The following SDK1 variants were observed in gnomAD, a reference collection of about 807,000 sequenced individuals.
The protein encoded by SDK1 is sidekick cell adhesion molecule 1, also known as protein sidekick-1.
In SDK1, 157 loss-of-function variants were observed where a neutral mutation model predicts 245.5. The ratio of observed to expected loss-of-function variants is 0.64; its 90% CI spans 0.56 to 0.73. The LOEUF (loss-of-function observed/expected upper bound fraction) is 0.73. SDK1 is among the 30% of genes least tolerant of loss of function. SDK1 has a pLI of 0.00. For synonymous variants in SDK1, 1,647 were observed against 1,278.5 expected, an observed-to-expected ratio of 1.29 and a Z score of -6.15; for missense variants, 3,583 against 3,002.3, an observed-to-expected ratio of 1.19 and a Z score of -4.52.
intron 17 of SDK1, among the ~76,000 whole-genome samples, chr7:4,034,046 T>C (rs1788036518): frequency 3.9e-5 from 6 of 152,226 alleles, no homozygotes; most frequent in Admixed American, 3.9e-4. Context: ...ACCTCAGAAC[T>C]GTGTACCACT....
chr7:3,883,218 CCT>C (rs1289852888), intron 5 of SDK1, among the ~76,000 whole-genome samples: 1 of 152,156 alleles, frequency 6.6e-6, no homozygotes, highest in Non-Finnish European at 1.5e-5. Context: ...AGCCTGCTTT[CCT>C]CTGTTTTCTG....
chr7:4,204,945 G>T (rs4460273), intron 35 of SDK1, among the ~76,000 whole-genome samples: 1 of 147,594 alleles, frequency 6.8e-6, no homozygotes, highest in Non-Finnish European at 1.5e-5. Context: ...GCTCCCAACT[G>T]CCTAAATGGC....
intron 31 of SDK1, among the ~76,000 whole-genome samples, chr7:4,160,447 T>G (rs1258476642): frequency 6.6e-6 from 1 of 152,224 alleles, no homozygotes; most frequent in Admixed American, 6.5e-5. Context: ...TGGGCTTTGA[T>G]GCACCTATCT....
intron 27 of SDK1, among the ~76,000 whole-genome samples, chr7:4,130,854 G>C (rs768632671): frequency 6.6e-6 from 1 of 152,160 alleles, no homozygotes; most frequent in South Asian, 2.1e-4. Flanking sequence ...CTGGGGATCG[G>C]AGTGGCTGAA....
chr7:4,127,292 G>A, intron 25 of SDK1, 89 bp from the exon 26 acceptor site: 1 of 979,502 alleles, frequency 1.0e-6, no homozygotes, highest in Non-Finnish European at 1.6e-6. Context: ...CTATTTCAAG[G>A]ACAACTTGAT....
At chr7:3,506,701 C>G (rs1039754367) in intron 1 of SDK1, among the ~76,000 whole-genome samples, 1 of 152,144 alleles carries the variant, frequency 6.6e-6, no homozygotes, top group African/African-American at 2.4e-5. Flanking sequence ...TATTCAGATT[C>G]ACTGATCTTT....
intron 1 of SDK1, among the ~76,000 whole-genome samples, chr7:3,603,944 T>C (rs1282764427): frequency 6.6e-6 from 1 of 152,212 alleles, no homozygotes; most frequent in Non-Finnish European, 1.5e-5. Flanking sequence ...GATAATCATG[T>C]GGTTTTTGTC....
intron 1 of SDK1, among the ~76,000 whole-genome samples, chr7:3,327,091 C>T (rs1387390018): frequency 1.3e-5 from 2 of 152,078 alleles, no homozygotes; most frequent in Admixed American, 6.6e-5. Context: ...AGACTCTGAG[C>T]TGGTTAGGTA....
chr7:4,212,160 G>A (rs907658517), intron 38 of SDK1, among the ~76,000 whole-genome samples: 3 of 152,160 alleles, frequency 2.0e-5, no homozygotes, highest in Admixed American at 6.5e-5. Context: ...AAAGAATATC[G>A]GCGCTCCATT....
Position 3,687,056 on chromosome 7 carries a change from A to AACACACACAC in SDK1, c.713+44986_713+44995dup, listed in dbSNP as rs200034994. Among the ~76,000 whole-genome samples, 911 of 135,224 alleles carry AACACACACAC rather than the reference A, an allele frequency of 6.7e-3. 12 individuals are homozygous for AACACACACAC. The highest frequency in any genetic ancestry group is 0.019 in the Admixed American group (256 of 13,680). 88.7% of individuals were successfully genotyped at this position (135,224 alleles called of 152,430 possible). A position where few individuals can be genotyped will look rare whatever the true frequency, so the allele number is the denominator to read the frequency against. On this transcript the variant is annotated intron_variant, in intron 4 of 44. Coordinates refer to ENST00000404826, the MANE Select transcript of SDK1 (RefSeq NM_152744.4). ...CCAAACTGGGTTGGGATAGCATCAA[A>AACACACACAC]ACACACACACACACACACACACACA...
At chr7:3,716,761 CA>C (rs1312191062) in intron 4 of SDK1, among the ~76,000 whole-genome samples, 8 of 91,614 alleles carry the variant, frequency 8.7e-5, no homozygotes, top group South Asian at 6.9e-4. Flanking sequence ...CCTGTCTCAC[CA>C]AAAAAAAAGA....
intron 1 of SDK1, among the ~76,000 whole-genome samples, chr7:3,468,403 C>T (rs919585112): frequency 2.6e-5 from 4 of 152,024 alleles, no homozygotes; most frequent in African/African-American, 9.7e-5. Context: ...CTGTCTCAGT[C>T]GCATTCTCCC....
At chr7:3,367,733 T>C (rs977408237) in intron 1 of SDK1, among the ~76,000 whole-genome samples, 2 of 152,236 alleles carry the variant, frequency 1.3e-5, no homozygotes, top group Non-Finnish European at 2.9e-5. Flanking sequence ...TAGTTTGAGT[T>C]ACTCAAATTC....
intron 4 of SDK1, among the ~76,000 whole-genome samples, chr7:3,806,594 T>A (rs1250626746): frequency 6.6e-6 from 1 of 152,246 alleles, no homozygotes; most frequent in Non-Finnish European, 1.5e-5. Context: ...TTCATTTGAA[T>A]CATTTTGCAC....
intron 4 of SDK1, among the ~76,000 whole-genome samples, chr7:3,727,511 G>T (rs931100201): frequency 1.6e-4 from 24 of 151,758 alleles, no homozygotes; most frequent in Non-Finnish European, 2.9e-5. Context: ...TTTTTTTTGA[G>T]ACGGAGCCTC....
At chr7:3,590,467 G>A (rs1159933568) in intron 1 of SDK1, among the ~76,000 whole-genome samples, 1 of 152,014 alleles carries the variant, frequency 6.6e-6, no homozygotes, top group African/African-American at 2.4e-5. Context: ...ATACCAACAA[G>A]TGAATTGACG....
Position 3,580,156 on chromosome 7 carries a change from T to A in SDK1, c.299-38924T>A, listed in dbSNP as rs570536307. Among the ~76,000 whole-genome samples, 9 of 152,214 alleles carry A rather than the reference T, an allele frequency of 5.9e-5. 1 individual carries two copies. In the South Asian group the frequency reaches 1.9e-3, roughly 32 times the overall value. On this transcript the variant is annotated intron_variant, in intron 1 of 44. Transcript: ENST00000404826. ...AGAAATCAGAGATGACACAAACAAA[T>A]AGAAAAATATTTCATAGTCATGGTT... is the stretch of plus-strand genomic sequence containing the variant.
intron 44 of SDK1, among the ~76,000 whole-genome samples, chr7:4,256,853 A>G (rs1490660075): frequency 6.6e-6 from 1 of 152,200 alleles, no homozygotes; most frequent in Non-Finnish European, 1.5e-5. Context: ...CAGTGAGGCC[A>G]TCCTTTTATC....
chr7:3,742,177 C>G (rs566322416), intron 4 of SDK1, among the ~76,000 whole-genome samples: 3 of 151,418 alleles, frequency 2.0e-5, no homozygotes, highest in Non-Finnish European at 4.4e-5. Context: ...TTCTTTCTTC[C>G]CTTTCCTCCC....
Sources: gnomAD v4.1 joint callset for allele counts (sites outside exome capture counted in the v4.1 genomes callset) on GRCh38, gnomAD v4.1.1 for gene constraint, MANE v1.5 for transcripts, NCBI Gene and HGNC (gene_info 2026-07-23, HGNC 2026-07-21) for gene names.